Variants in BARX2 observed in about 807,000 individuals in gnomAD.
BARX2 encodes BARX homeobox 2.
BARX2 carries 11 observed loss-of-function variants against 25.5 expected under a neutral mutation model. The ratio of observed to expected loss-of-function variants is 0.43; its 90% CI spans 0.27 to 0.71. BARX2 has a LOEUF of 0.71. Ranked by LOEUF, BARX2 falls within the 30% of genes least tolerant of loss-of-function variation. The pLI, the probability that BARX2 is intolerant of heterozygous loss-of-function variation, is 0.19. For missense variants in BARX2, 360 were observed against 359.9 expected, an observed-to-expected ratio of 1.00 and a Z score of 0.00; for synonymous variants, 137 against 149.5, an observed-to-expected ratio of 0.92 and a Z score of 0.61.
In BARX2 at chr11:129,411,512, G is replaced by A. The variant is rs536783776; in HGVS notation, c.188-25239G>A. Among the ~76,000 whole-genome samples the A allele has an allele frequency of 1.1e-4, 17 of 152,294 alleles. No individual in the cohort carries two copies. The South Asian group carries it at 3.5e-3, about 32-fold the overall frequency. On this transcript the variant is annotated intron_variant, in intron 1 of 3. Transcript: ENST00000281437. ...CATGGCAATTCTGTAAGTGAATTGCGGGCTCATGGGCTGGATGATATCAGG... is the reference window on the plus strand; with the variant it reads ...CATGGCAATTCTGTAAGTGAATTGCAGGCTCATGGGCTGGATGATATCAGG...
intron 1 of BARX2, among the ~76,000 whole-genome samples, chr11:129,434,487 A>ACTG (rs1486534539): frequency 6.8e-6 from 1 of 147,994 alleles, no homozygotes; most frequent in Non-Finnish European, 1.5e-5. Flanking sequence ...CTGGTCTTGA[A>ACTG]CTGCTGGCTT....
intron 1 of BARX2, among the ~76,000 whole-genome samples, chr11:129,383,316 A>G (rs1237091876): frequency 2.6e-5 from 4 of 152,192 alleles, no homozygotes; most frequent in Non-Finnish European, 5.9e-5. Flanking sequence ...ATGGCAATTT[A>G]ACTTCTTGAA....
At chr11:129,442,327 G>A (rs1471039117) in intron 2 of BARX2, among the ~76,000 whole-genome samples, 4 of 152,064 alleles carry the variant, frequency 2.6e-5, no homozygotes, top group East Asian at 1.9e-4. Context: ...AGGAAACGTG[G>A]GACCATCTGG....
At chr11:129,404,610 G>A (rs1263508013) in intron 1 of BARX2, among the ~76,000 whole-genome samples, 1 of 152,196 alleles carries the variant, frequency 6.6e-6, no homozygotes, top group African/African-American at 2.4e-5. Flanking sequence ...GATGTTACCT[G>A]TTCTGCGAGA....
chr11:129,408,353 T>C (rs911508999), intron 1 of BARX2, among the ~76,000 whole-genome samples: 1 of 152,202 alleles, frequency 6.6e-6, no homozygotes. Flanking sequence ...TCTAGACACA[T>C]TTTAGTAAAA....
chr11:129,450,653 T>A (rs1301144136), intron 3 of BARX2, among the ~76,000 whole-genome samples: 2 of 152,214 alleles, frequency 1.3e-5, no homozygotes, highest in African/African-American at 4.8e-5. Flanking sequence ...TCTTAGATAA[T>A]TTTTTAGAAT....
chr11:129,408,455 G>T (rs187812779), intron 1 of BARX2, among the ~76,000 whole-genome samples: 2 of 152,198 alleles, frequency 1.3e-5, no homozygotes, highest in Admixed American at 6.5e-5. Flanking sequence ...CCCGCACAGG[G>T]ATGCTTAGCT....
chr11:129,399,828 C>T (rs777786112), intron 1 of BARX2, among the ~76,000 whole-genome samples: 44 of 152,096 alleles, frequency 2.9e-4, no homozygotes, highest in Non-Finnish European at 6.0e-4. Context: ...GGGGTGGTAC[C>T]TTCTGGGTGC....
intron 1 of BARX2, among the ~76,000 whole-genome samples, chr11:129,414,177 G>A (rs7927598): frequency 0.095 from 14,497 of 152,050 alleles, 824 homozygotes; most frequent in African/African-American, 0.15. Context: ...AGTTCAGAAT[G>A]TATTAATACA....
chr11:129,382,132 C>A (rs1478005455), intron 1 of BARX2, among the ~76,000 whole-genome samples: 1 of 152,164 alleles, frequency 6.6e-6, no homozygotes, highest in Non-Finnish European at 1.5e-5. Context: ...AGCAGAGATG[C>A]AAAGGTAGGT....
At chr11:129,424,102 C>A (rs1261826197) in intron 1 of BARX2, among the ~76,000 whole-genome samples, 1 of 152,224 alleles carries the variant, frequency 6.6e-6, no homozygotes, top group Non-Finnish European at 1.5e-5. Context: ...CCCACCTTGG[C>A]CTCCCAAAGT....
At chr11:129,380,441 C>G (rs1861550681) in intron 1 of BARX2, among the ~76,000 whole-genome samples, 1 of 152,088 alleles carries the variant, frequency 6.6e-6, no homozygotes, top group African/African-American at 2.4e-5. Flanking sequence ...GCTAGTGCTT[C>G]ATGGAGTTAG....
intron 3 of BARX2, 36 bp downstream of exon 3, chr11:129,442,955 A>G (rs746220345): frequency 1.2e-5 from 18 of 1,559,460 alleles, no homozygotes; most frequent in Admixed American, 6.7e-5. Context: ...TCCCTTCCTG[A>G]TGGGAAGGAC....
intron 1 of BARX2, among the ~76,000 whole-genome samples, chr11:129,385,241 C>T (rs550671721): frequency 6.6e-6 from 1 of 152,248 alleles, no homozygotes; most frequent in African/African-American, 2.4e-5. Context: ...AATTTGGCAA[C>T]AAATGGCAAA....
At chr11:129,386,624 C>G (rs1591427133) in intron 1 of BARX2, among the ~76,000 whole-genome samples, 1 of 152,154 alleles carries the variant, frequency 6.6e-6, no homozygotes, top group African/African-American at 2.4e-5. Context: ...AGGAGTAAAC[C>G]TGGACCACAT....
chr11:129,380,398 TG>T (rs1861550089), intron 1 of BARX2, among the ~76,000 whole-genome samples: 1 of 152,132 alleles, frequency 6.6e-6, no homozygotes, highest in African/African-American at 2.4e-5. Flanking sequence ...GGTGCAGGTA[TG>T]TATAGTGTCT....
At chr11:129,397,586 G>A (rs752450) in intron 1 of BARX2, among the ~76,000 whole-genome samples, 42,189 of 152,128 alleles carry the variant, frequency 0.28, 8,555 homozygotes, top group African/African-American at 0.58. Flanking sequence ...ACTAGAGTTC[G>A]TTAAAAAAAT....
Position 129,408,015 on chromosome 11 carries a change from C to T in BARX2, c.188-28736C>T, listed in dbSNP as rs1305632594. 4.5e-5 allele frequency among the ~76,000 whole-genome samples: 5 copies of T among 110,020 alleles called. No homozygotes were observed. The Admixed American group carries it at 4.6e-4, about 10-fold the overall frequency. 72.2% of individuals were successfully genotyped at this position (110,020 alleles called of 152,430 possible). On this transcript the variant is annotated intron_variant, in intron 1 of 3. Transcript: ENST00000281437. ...AGGAGATTGAGACAGAGCCAGACTC[C>T]GTCTCAAAAAAAAAAAAAAAAAAAA...
chr11:129,414,168 G>A (rs1313149582), intron 1 of BARX2, among the ~76,000 whole-genome samples: 1 of 152,100 alleles, frequency 6.6e-6, no homozygotes, highest in East Asian at 1.9e-4. Context: ...AGGTTTTGGA[G>A]TTCAGAATGT....
Sources: allele counts gnomAD v4.1 joint callset (sites outside exome capture counted in the v4.1 genomes callset), GRCh38; gene constraint gnomAD v4.1.1; transcripts MANE v1.5; gene names NCBI Gene and HGNC (gene_info 2026-07-23, HGNC 2026-07-21).